The following TSHR variants were observed in gnomAD, a reference collection of about 807,000 sequenced individuals.
TSHR encodes thyroid stimulating hormone receptor.
In TSHR, 51 loss-of-function variants were observed where a neutral mutation model predicts 64.1. That is an observed-to-expected ratio of 0.80 (90% confidence interval 0.64 to 1.01). The LOEUF is 1.01. Among genes scored for constraint, TSHR ranks in the 50% least tolerant of loss-of-function variants. The probability of loss-of-function intolerance (pLI) is 0.00; values close to 1 mark genes in which losing one functional copy is unlikely to be tolerated. For synonymous variants in TSHR, 361 were observed against 361.9 expected, an observed-to-expected ratio of 1.00 and a Z score of 0.03; for missense variants, 877 against 942.8, an observed-to-expected ratio of 0.93 and a Z score of 0.91.
rs191340958 is a variant in TSHR, at chr14:81,026,604, A to G, written c.171-35544A>G. On this transcript the variant is annotated intron_variant, in intron 1 of 9. Coordinates refer to ENST00000298171, the MANE Select transcript of TSHR (RefSeq NM_000369.5). The stretch of plus-strand genomic sequence containing the variant: ...TTCATAAAACTTAATGAATAAGGTG[A>G]CCTTTCTGTGTTAGGACTCCAGAGT... 3.3e-5 allele frequency among the ~76,000 whole-genome samples: 5 copies of G among 152,322 alleles called. No individual in the cohort carries two copies. In the East Asian group the frequency reaches 7.7e-4, roughly 23 times the overall value.
At chr14:81,017,721 T>C (rs187846126) in intron 1 of TSHR, among the ~76,000 whole-genome samples, 94 of 152,204 alleles carry the variant, frequency 6.2e-4, no homozygotes, top group African/African-American at 2.1e-3. Flanking sequence ...TAGAAAGGAA[T>C]TTATAAGCAC....
intron 1 of TSHR, chr14:81,032,479 A>T: frequency 2.9e-6 from 1 of 341,846 alleles, no homozygotes; most frequent in Non-Finnish European, 5.8e-6. Context: ...AAAAGCAACA[A>T]GGGAGTTGTC....
At chr14:81,020,782 T>C (rs1883704588) in intron 1 of TSHR, among the ~76,000 whole-genome samples, 1 of 152,204 alleles carries the variant, frequency 6.6e-6, no homozygotes, top group African/African-American at 2.4e-5. Flanking sequence ...TCCTTAAAAG[T>C]ATGTTTCAGA....
chr14:81,056,425 A>G (rs1885803732), intron 1 of TSHR, among the ~76,000 whole-genome samples: 1 of 152,188 alleles, frequency 6.6e-6, no homozygotes. Context: ...ATATGCATAC[A>G]TATATGTAAA....
chr14:81,077,105 C>T (rs959551117), intron 3 of TSHR, among the ~76,000 whole-genome samples: 1 of 152,112 alleles, frequency 6.6e-6, no homozygotes, highest in African/African-American at 2.4e-5. Context: ...GAGACACATA[C>T]CATTCAGCCC....
chr14:81,073,017 AAT>A (rs1403789795), intron 3 of TSHR, among the ~76,000 whole-genome samples: 1 of 91,196 alleles, frequency 1.1e-5, no homozygotes, highest in East Asian at 3.4e-4. Flanking sequence ...AAAAATAAAA[AAT>A]AAATATATAT....
chr14:80,974,661 G>A (rs1451351702), intron 1 of TSHR, among the ~76,000 whole-genome samples: 1 of 152,132 alleles, frequency 6.6e-6, no homozygotes, highest in Non-Finnish European at 1.5e-5. Context: ...GATGATAGAA[G>A]GTCTAATGTA....
At chr14:81,024,195 T>G (rs190416021) in intron 1 of TSHR, among the ~76,000 whole-genome samples, 38 of 152,224 alleles carry the variant, frequency 2.5e-4, no homozygotes, top group Non-Finnish European at 4.6e-4. Flanking sequence ...AGTTGTTATA[T>G]GACTTCACTT....
At chr14:81,136,811 G>A (rs1891474840) in intron 8 of TSHR, among the ~76,000 whole-genome samples, 1 of 152,138 alleles carries the variant, frequency 6.6e-6, no homozygotes, top group Admixed American at 6.5e-5. Context: ...CTAACTTAGA[G>A]GCCACCTGGG....
At chr14:81,090,587 G>T (rs1362768915) in intron 4 of TSHR, among the ~76,000 whole-genome samples, 1 of 128,336 alleles carries the variant, frequency 7.8e-6, no homozygotes, top group Non-Finnish European at 1.7e-5. Context: ...GGTACTCTCA[G>T]GTCACTGCTG....
chr14:81,121,089 CA>C (rs1351278132), intron 8 of TSHR, among the ~76,000 whole-genome samples: 2 of 150,758 alleles, frequency 1.3e-5, no homozygotes, highest in African/African-American at 4.9e-5. Context: ...GAAGAGAAAA[CA>C]AAAACTGAAA....
chr14:81,094,883 C>T (rs1193159216), intron 6 of TSHR, among the ~76,000 whole-genome samples: 1 of 151,808 alleles, frequency 6.6e-6, no homozygotes, highest in East Asian at 1.9e-4. Context: ...ATTTGATCCT[C>T]TCTGCAACCT....
At position 81,127,669 on chromosome 14, in the gene TSHR, C is replaced by G. The variant is rs567384855; in HGVS notation, c.693-12010C>G. On this transcript the variant is annotated intron_variant, in intron 8 of 9. Coordinates refer to ENST00000298171, the MANE Select transcript of TSHR (RefSeq NM_000369.5). The stretch of plus-strand genomic sequence containing the variant: ...ACTGTTCTCATGGTAGTGAATAAGT[C>G]TCACAAAATCTGATCGTTTTATAAG... Among the ~76,000 whole-genome samples the G allele has an allele frequency of 5.9e-5, 9 of 152,254 alleles. 2 individuals are homozygous for G. The highest frequency in any genetic ancestry group is 2.2e-4 in the African/African-American group (9 of 41,536).
In TSHR at chr14:81,120,367, A is replaced by C. The variant is rs78321278; in HGVS notation, c.692+11915A>C. 9.2e-3 allele frequency among the ~76,000 whole-genome samples: 1,404 copies of C among 152,250 alleles called. 27 individuals carry two copies. Among genetic ancestry groups the C allele is most frequent in the African/African-American group, 0.032 (1,338 of 41,556 alleles). ...TTGACATGAAAAACGTCAATGTCTT[A>C]GAGTTTTCAGTGTACAGATCTTTCA... On this transcript the variant is annotated intron_variant, in intron 8 of 9. Coordinates refer to ENST00000298171, the MANE Select transcript of TSHR (RefSeq NM_000369.5).
intron 1 of TSHR, among the ~76,000 whole-genome samples, chr14:80,975,666 T>A (rs1211123415): frequency 6.6e-6 from 1 of 152,198 alleles, no homozygotes; most frequent in Non-Finnish European, 1.5e-5. Flanking sequence ...CTTGCCAAAG[T>A]CATATTAACA....
At chr14:81,024,405 T>G (rs1293565514) in intron 1 of TSHR, among the ~76,000 whole-genome samples, 1 of 152,056 alleles carries the variant, frequency 6.6e-6, no homozygotes. Context: ...CACGCCACCA[T>G]GCCTGGCTAA....
intron 1 of TSHR, among the ~76,000 whole-genome samples, chr14:80,970,134 C>T (rs752367571): frequency 6.6e-6 from 1 of 152,178 alleles, no homozygotes; most frequent in African/African-American, 2.4e-5. Flanking sequence ...AAAGCAGACA[C>T]CAACCTATGA....
chr14:81,093,723 C>A (rs1277063494), intron 6 of TSHR: 2 of 152,268 alleles, frequency 1.3e-5, no homozygotes, highest in African/African-American at 2.4e-5. Flanking sequence ...CTCATCACAA[C>A]CTGGTGAGCG....
intron 1 of TSHR, chr14:81,012,935 C>A (rs1441351860): frequency 6.6e-6 from 1 of 152,118 alleles, no homozygotes; most frequent in Non-Finnish European, 1.5e-5. Flanking sequence ...TGCAGAAGTT[C>A]TTTAGTTTAA....
Sources: gnomAD v4.1 joint callset for allele counts (sites outside exome capture counted in the v4.1 genomes callset) on GRCh38, gnomAD v4.1.1 for gene constraint, MANE v1.5 for transcripts, NCBI Gene and HGNC (gene_info 2026-07-23, HGNC 2026-07-21) for gene names.